Variants in EPC2 observed in about 807,000 individuals in gnomAD.
The protein encoded by EPC2 is enhancer of polycomb 2, also known as enhancer of polycomb homolog 2.
Under a neutral mutation model 92.1 loss-of-function variants are expected in EPC2, and 14 were observed. That is an observed-to-expected ratio of 0.15 (90% CI 0.10 to 0.24). EPC2 has a LOEUF of 0.24. Among genes scored for constraint, EPC2 ranks in the 10% least tolerant of loss-of-function variants. The pLI is 1.00. For missense variants in EPC2, 755 were observed against 971.5 expected (o/e 0.78, Z 2.96); for synonymous variants, 340 against 334.7 (o/e 1.02, Z -0.17).
chr2:148,694,440 G>A (rs946004829), intron 2 of EPC2, among the ~76,000 whole-genome samples: 1 of 152,132 alleles, frequency 6.6e-6, no homozygotes, highest in African/African-American at 2.4e-5. Context: ...GAAGCATCCT[G>A]AAGGCACAAA....
intron 10 of EPC2, among the ~76,000 whole-genome samples, chr2:148,772,025 C>T (rs1683532778): frequency 6.6e-6 from 1 of 152,148 alleles, no homozygotes; most frequent in Admixed American, 6.5e-5. Flanking sequence ...TCTCGAAATC[C>T]TGACCTCAGG....
chr2:148,760,236 AAC>A (rs1683276852), intron 4 of EPC2, among the ~76,000 whole-genome samples: 1 of 152,082 alleles, frequency 6.6e-6, no homozygotes, highest in Non-Finnish European at 1.5e-5. Context: ...CAGCCTGGGC[AAC>A]AGAGTGAGAC....
At chr2:148,760,506 C>G (rs1023237984) in intron 4 of EPC2, among the ~76,000 whole-genome samples, 2 of 152,048 alleles carry the variant, frequency 1.3e-5, no homozygotes, top group African/African-American at 4.8e-5. Context: ...ATGTGCAATA[C>G]CCTGCACAGT....
chr2:148,651,831 G>C (rs1053742802), intron 1 of EPC2, among the ~76,000 whole-genome samples: 3 of 152,106 alleles, frequency 2.0e-5, no homozygotes, highest in Admixed American at 2.0e-4. Flanking sequence ...GGACATATAG[G>C]TGTTACTACT....
chr2:148,719,062 T>C (rs969124334), intron 2 of EPC2, among the ~76,000 whole-genome samples: 6 of 152,116 alleles, frequency 3.9e-5, no homozygotes, highest in African/African-American at 1.4e-4. Context: ...ATTGTGAAGT[T>C]CTCGTGTTGT....
In EPC2 at chr2:148,724,551, T is replaced by C. The variant is rs1341018388; in HGVS notation, c.314-19071T>C. ...AGGTTTTATATTGTGTTCTGAAATATAAACAATTTAAGGCAATAGTTTAAA... is the reference window on the plus strand; with the variant it reads ...AGGTTTTATATTGTGTTCTGAAATACAAACAATTTAAGGCAATAGTTTAAA... On this transcript the variant is annotated intron_variant, in intron 2 of 13. Transcript: ENST00000258484. 2.0e-5 allele frequency among the ~76,000 whole-genome samples: 3 copies of C among 152,168 alleles called. No homozygotes were observed. The East Asian group carries it at 5.8e-4, about 29-fold the overall frequency.
intron 2 of EPC2, among the ~76,000 whole-genome samples, chr2:148,725,985 G>T (rs1682487223): frequency 6.6e-6 from 1 of 152,074 alleles, no homozygotes; most frequent in African/African-American, 2.4e-5. Flanking sequence ...CCAGCCGCTG[G>T]CAACCACCAT....
At chr2:148,745,482 G>A (rs1486491802) in intron 3 of EPC2, among the ~76,000 whole-genome samples, 1 of 151,942 alleles carries the variant, frequency 6.6e-6, no homozygotes, top group Non-Finnish European at 1.5e-5. Context: ...TTGGAGACAG[G>A]ATAAACAAAA....
chr2:148,727,287 A>G (rs1358471773), intron 2 of EPC2, among the ~76,000 whole-genome samples: 4 of 152,090 alleles, frequency 2.6e-5, no homozygotes, highest in Admixed American at 1.3e-4. Context: ...ATTGGTCTGT[A>G]TGTCTGTCTT....
intron 5 of EPC2, 58 bp downstream of exon 5, chr2:148,761,988 T>C: frequency 6.9e-7 from 1 of 1,446,916 alleles, no homozygotes; most frequent in Non-Finnish European, 9.2e-7. Flanking sequence ...ATGGGCAAAA[T>C]GAACCAAAAG....
At chr2:148,691,086 C>T (rs1053672375) in intron 2 of EPC2, among the ~76,000 whole-genome samples, 1 of 152,120 alleles carries the variant, frequency 6.6e-6, no homozygotes, top group African/African-American at 2.4e-5. Flanking sequence ...TGTAGTTCTG[C>T]CTCCTTAATA....
Position 148,785,985 on chromosome 2 carries a change from G to GA in EPC2, c.2352-310dup, listed in dbSNP as rs961544392. 7.6e-3 allele frequency among the ~76,000 whole-genome samples: 1,097 copies of GA among 144,936 alleles called. 6 individuals are homozygous for GA. Among genetic ancestry groups the GA allele is most frequent in the African/African-American group, 0.026 (1,025 of 39,670 alleles). ...GAGTGTCATATGCTTCATCTCTCGA[G>GA]AAAAAAAAAAGAAAAACTTGGTTTG... On this transcript the variant is annotated intron_variant, in intron 13 of 13. Coordinates refer to ENST00000258484, the MANE Select transcript of EPC2 (RefSeq NM_015630.4).
chr2:148,680,395 A>C (rs1450868422), intron 1 of EPC2, among the ~76,000 whole-genome samples: 1 of 152,188 alleles, frequency 6.6e-6, no homozygotes, highest in African/African-American at 2.4e-5. Flanking sequence ...TAACAGGATA[A>C]TATCCGGTGT....
chr2:148,760,630 A>C (rs537188927), intron 4 of EPC2, among the ~76,000 whole-genome samples: 1 of 152,352 alleles, frequency 6.6e-6, no homozygotes, highest in South Asian at 2.1e-4. Flanking sequence ...CTTTTGTCAT[A>C]GTAATGAAGA....
At chr2:148,716,390 T>A (rs6716416) in intron 2 of EPC2, among the ~76,000 whole-genome samples, 3 of 152,280 alleles carry the variant, frequency 2.0e-5, no homozygotes, top group South Asian at 2.1e-4. Context: ...TATTTTGAGG[T>A]ATGTTCCTTG....
intron 3 of EPC2, among the ~76,000 whole-genome samples, chr2:148,753,467 T>C (rs1448962829): frequency 6.6e-6 from 1 of 152,200 alleles, no homozygotes; most frequent in Non-Finnish European, 1.5e-5. Flanking sequence ...TAAATTGCAA[T>C]ATATTAGAGA....
At chr2:148,771,447 G>A in intron 10 of EPC2, 60 bp downstream of exon 10, 4 of 1,426,282 alleles carry the variant, frequency 2.8e-6, no homozygotes, top group Non-Finnish European at 3.8e-6. Context: ...ATTTTATTGG[G>A]AAAGGAATTT....
intron 2 of EPC2, among the ~76,000 whole-genome samples, chr2:148,716,882 G>A (rs1682272761): frequency 6.6e-6 from 1 of 152,006 alleles, no homozygotes. Flanking sequence ...GCTTTTTTTG[G>A]TTGATAGACT....
intron 2 of EPC2, among the ~76,000 whole-genome samples, chr2:148,739,368 T>C (rs1344764110): frequency 6.6e-6 from 1 of 152,148 alleles, no homozygotes; most frequent in African/African-American, 2.4e-5. Context: ...CCTGAAAATA[T>C]CTTGCCATTT....
Sources: gnomAD v4.1 joint callset for allele counts (sites outside exome capture counted in the v4.1 genomes callset) on GRCh38, gnomAD v4.1.1 for gene constraint, MANE v1.5 for transcripts, NCBI Gene and HGNC (gene_info 2026-07-23, HGNC 2026-07-21) for gene names.